The following ATP7A variants were observed in gnomAD, a reference collection of about 807,000 sequenced individuals.
The protein encoded by ATP7A is ATPase copper transporting alpha, also known as copper-transporting ATPase 1.
ATP7A carries 7 observed loss-of-function variants against 83.5 expected under a neutral mutation model. The observed-to-expected ratio is 0.08, with a 90% CI of 0.05 to 0.16. The LOEUF (loss-of-function observed/expected upper bound fraction) is 0.16. Ranked by LOEUF, ATP7A falls within the 10% of genes least tolerant of loss-of-function variation. The pLI, the probability that ATP7A is intolerant of heterozygous loss-of-function variation, is 1.00. For missense variants in ATP7A, 940 were observed against 1,120.8 expected, an observed-to-expected ratio of 0.84 and a Z score of 2.30; for synonymous variants, 354 against 395.2, an observed-to-expected ratio of 0.90 and a Z score of 1.24.
chrX:77,986,893 C>T (rs1428532170), intron 2 of ATP7A, among the ~76,000 whole-genome samples: 1 of 111,951 alleles, frequency 8.9e-6, no homozygotes, highest in Non-Finnish European at 1.9e-5. Flanking sequence ...ACATAATTCT[C>T]TGCTTAACTT....
At chrX:78,002,975 G>T in intron 5 of ATP7A, 98 bp from the exon 6 acceptor site, 9 of 922,276 alleles carry the variant, frequency 9.8e-6, no homozygotes, top group Admixed American at 4.7e-5. Context: ...ATACTTAAGA[G>T]AAATCCTTTC....
intron 1 of ATP7A, among the ~76,000 whole-genome samples, chrX:77,928,004 C>G (rs1783170365): frequency 9.0e-6 from 1 of 110,633 alleles, no homozygotes; most frequent in Non-Finnish European, 1.9e-5. Flanking sequence ...GAGACGGGGT[C>G]TCACTCTGTC....
rs200263608 is a variant in ATP7A, at chrX:77,948,059, ATATTTATTTATTTATT to A, written c.-21-23533_-21-23518del. Among the ~76,000 whole-genome samples, 73 of 94,058 alleles carry A rather than the reference ATATTTATTTATTTATT, an allele frequency of 7.8e-4. 2 individuals are homozygous for A. In the East Asian group the frequency reaches 0.016, roughly 20 times the overall value. 81.7% of individuals were successfully genotyped at this position (94,058 alleles called of 115,157 possible). A position where few individuals can be genotyped will look rare whatever the true frequency, so the allele number is the denominator to read the frequency against. ...CTGGCCATTTTACCACAATTTAAAA[ATATTTATTTATTTATT>A]TATTTATTTATTTATTTATTTATTT... On this transcript the variant is annotated intron_variant, in intron 1 of 22. Coordinates refer to ENST00000341514, the MANE Select transcript of ATP7A (RefSeq NM_000052.7).
chrX:77,946,227 G>A (rs1227029281), intron 1 of ATP7A, among the ~76,000 whole-genome samples: 1 of 108,104 alleles, frequency 9.3e-6, no homozygotes, highest in African/African-American at 3.4e-5. Context: ...ACTTGAACCC[G>A]GGAGGCAGAT....
chrX:77,989,267 T>C lies in ATP7A; in HGVS notation c.645T>C (p.Tyr215=), dbSNP rs782587854. ...SLDNQEATIV[Y]QPHLISVEEM... is the part of the protein sequence containing the mutation. ...ACAATCAAGAAGCTACTATTGTTTA[T>C]CAACCTCATCTTATCTCAGTAGAGG... The change falls in exon 4 of 23, where the codon TAT becomes TAC. Residue 215 remains tyrosine, a synonymous_variant. Transcript: ENST00000341514. 67 of 1,206,852 alleles carry C rather than the reference T, an allele frequency of 5.6e-5. No homozygotes were observed. Among genetic ancestry groups the C allele is most frequent in the Admixed American group, 1.8e-4 (8 of 45,581 alleles).
chrX:77,975,937 T>C (rs1387371120), intron 2 of ATP7A: 1 of 112,251 alleles, frequency 8.9e-6, no homozygotes, highest in African/African-American at 3.2e-5. Flanking sequence ...CAACCTTATA[T>C]TGGTGGTAAT....
chrX:77,997,893 A>G (rs906906693), intron 4 of ATP7A, among the ~76,000 whole-genome samples: 6 of 110,712 alleles, frequency 5.4e-5, no homozygotes, highest in Non-Finnish European at 1.1e-4. Flanking sequence ...CAAACAATAT[A>G]GAAGTATAGA....
chrX:77,954,036 A>C (rs1439210725), intron 1 of ATP7A, among the ~76,000 whole-genome samples: 2 of 112,216 alleles, frequency 1.8e-5, no homozygotes, highest in African/African-American at 6.5e-5. Flanking sequence ...AGTGAAGTAC[A>C]TTGCCTTTTA....
chrX:78,015,462 C>T (rs1223647316), intron 11 of ATP7A, among the ~76,000 whole-genome samples: 2 of 112,104 alleles, frequency 1.8e-5, no homozygotes, highest in Non-Finnish European at 3.8e-5. Context: ...GGCAAAGTTA[C>T]ATAATAAAGA....
chrX:78,031,377 A>C (rs781924467), intron 15 of ATP7A, 23 bp from the exon 16 acceptor site: 39 of 1,190,912 alleles, frequency 3.3e-5, no homozygotes, highest in Non-Finnish European at 4.4e-5. Context: ...TCATCAAGTC[A>C]TTGTATCTTA....
At chrX:77,972,345 C>T (rs2077553059) in intron 2 of ATP7A, among the ~76,000 whole-genome samples, 1 of 110,290 alleles carries the variant, frequency 9.1e-6, no homozygotes, top group African/African-American at 3.3e-5. Flanking sequence ...GCGTGCACCA[C>T]CATGCTAGCT....
chrX:77,983,758 T>C (rs1262986998), intron 2 of ATP7A, among the ~76,000 whole-genome samples: 1 of 110,576 alleles, frequency 9.0e-6, no homozygotes, highest in African/African-American at 3.3e-5. Context: ...TGGAGTGCAG[T>C]GGCACGACCT....
At chrX:77,926,079 G>A (rs190301554) in intron 1 of ATP7A, among the ~76,000 whole-genome samples, 173 of 110,830 alleles carry the variant, frequency 1.6e-3, no homozygotes, top group African/African-American at 5.4e-3. Context: ...TGAGCTTCCA[G>A]TGTGGCTCAT....
intron 18 of ATP7A, among the ~76,000 whole-genome samples, chrX:78,039,847 T>C (rs2078036370): frequency 1.8e-5 from 2 of 112,346 alleles, no homozygotes; most frequent in African/African-American, 6.5e-5. Flanking sequence ...CTATATAATT[T>C]TACTATAATA....
intron 1 of ATP7A, among the ~76,000 whole-genome samples, chrX:77,956,509 C>T (rs1224235887): frequency 9.0e-6 from 1 of 111,262 alleles, no homozygotes; most frequent in African/African-American, 3.3e-5. Flanking sequence ...TGGCTTTGCA[C>T]TATCCCCTTG....
chrX:77,992,866 G>A (rs782076597), intron 4 of ATP7A, among the ~76,000 whole-genome samples: 21 of 111,394 alleles, frequency 1.9e-4, no homozygotes, highest in Non-Finnish European at 3.2e-4. Context: ...TGCCCGCCTC[G>A]GCCTCCCAGA....
At chrX:77,930,868 C>CCAG (rs1175398846) in intron 1 of ATP7A, among the ~76,000 whole-genome samples, 1 of 110,583 alleles carries the variant, frequency 9.0e-6, no homozygotes, top group African/African-American at 3.3e-5. Context: ...CCAATGGTGA[C>CCAG]CAGCAGCCTT....
intron 1 of ATP7A, chrX:77,962,885 T>G: frequency 8.4e-6 from 3 of 356,518 alleles, no homozygotes; most frequent in Non-Finnish European, 1.7e-5. Context: ...CTTGGAAACC[T>G]GACAATTGAT....
chrX:78,019,279 G>T (rs188946061), intron 12 of ATP7A, among the ~76,000 whole-genome samples: 1 of 111,394 alleles, frequency 9.0e-6, no homozygotes, highest in African/African-American at 3.3e-5. Flanking sequence ...TCCACATCAG[G>T]GTCTACTCTA....
Sources: allele counts gnomAD v4.1 joint callset (sites outside exome capture counted in the v4.1 genomes callset), GRCh38; gene constraint gnomAD v4.1.1; transcripts MANE v1.5; gene names NCBI Gene and HGNC (gene_info 2026-07-23, HGNC 2026-07-21).